The following PCGF5 variants were observed in gnomAD, a reference collection of about 807,000 sequenced individuals.
PCGF5 encodes the protein polycomb group ring finger 5, also known as polycomb group RING finger protein 5.
In PCGF5, 9 loss-of-function variants were observed where a neutral mutation model predicts 44.3. The observed-to-expected ratio is 0.20, with a 90% CI of 0.12 to 0.35. The LOEUF is 0.35. Among genes scored for constraint, PCGF5 ranks in the 10% least tolerant of loss-of-function variants. The probability of loss-of-function intolerance (pLI) is 1.00; values close to 1 mark genes in which losing one functional copy is unlikely to be tolerated. For missense variants in PCGF5, 146 were observed against 305.3 expected (o/e 0.48, Z 3.89); for synonymous variants, 95 against 102.5 (o/e 0.93, Z 0.44).
At chr10:91,261,569 A>G in intron 7 of PCGF5, 145 bp downstream of exon 7, 13 of 1,084,760 alleles carry the variant, frequency 1.2e-5, no homozygotes, top group Non-Finnish European at 1.6e-5. Flanking sequence ...AATTTTCAGA[A>G]TGTATTATTC....
chr10:91,235,815 T>C lies in PCGF5; in HGVS notation c.113-4669T>C, dbSNP rs559063912. On this transcript the variant is annotated intron_variant, in intron 2 of 9. Transcript: ENST00000336126. Reference sequence around the variant, plus strand: ...ACGTAAGATGTGACTTGCTCCTCCTTGCCTTCTACCTTGATTGTGAGGCCT... The same window carrying C: ...ACGTAAGATGTGACTTGCTCCTCCTCGCCTTCTACCTTGATTGTGAGGCCT... Among the ~76,000 whole-genome samples, 147 of 152,334 alleles carry C rather than the reference T, an allele frequency of 9.6e-4. 2 individuals are homozygous for C. The South Asian group carries it at 0.015, about 16-fold the overall frequency.
chr10:91,262,430 AAAAAGAAAAG>A (rs974378183), intron 7 of PCGF5, among the ~76,000 whole-genome samples: 1 of 152,170 alleles, frequency 6.6e-6, no homozygotes, highest in Non-Finnish European at 1.5e-5. Flanking sequence ...TCCATCTCAA[AAAAAGAAAAG>A]AAAAGAAAAT....
At position 91,180,534 on chromosome 10, in the gene PCGF5, C is replaced by A. The variant is rs12242498; in HGVS notation, c.-184+17453C>A. 5.0e-3 allele frequency among the ~76,000 whole-genome samples: 754 copies of A among 152,258 alleles called. 7 individuals are homozygous for A. The highest frequency in any genetic ancestry group is 0.017 in the African/African-American group (720 of 41,540). On this transcript the variant is annotated intron_variant, in intron 1 of 9. Coordinates refer to the PCGF5 transcript ENST00000614189. ...TTTGTATATTGTGTAAGGAAGGGGT[C>A]CAGTTTCAATCTTCTGCATATGGTT...
At chr10:91,271,161 C>A (rs975586239) in intron 8 of PCGF5, among the ~76,000 whole-genome samples, 1 of 146,134 alleles carries the variant, frequency 6.8e-6, no homozygotes, top group Non-Finnish European at 1.5e-5. Context: ...CATAAAGAAC[C>A]TACTATAAAA....
At chr10:91,256,459 C>G (rs1228749246) in intron 6 of PCGF5, among the ~76,000 whole-genome samples, 9 of 151,914 alleles carry the variant, frequency 5.9e-5, no homozygotes, top group Non-Finnish European at 1.0e-4. Flanking sequence ...CACCATCAAG[C>G]TTACCAGCAT....
At chr10:91,210,764 A>G (rs1256236825) in intron 1 of PCGF5, among the ~76,000 whole-genome samples, 1 of 152,280 alleles carries the variant, frequency 6.6e-6, no homozygotes, top group Non-Finnish European at 1.5e-5. Context: ...TACATTTAAA[A>G]ATAATCACTG....
rs930775224 is a variant in PCGF5 at position 91,222,221 on chromosome 10, A to T, written c.-183-468A>T. 3.3e-5 allele frequency among the ~76,000 whole-genome samples: 5 copies of T among 152,274 alleles called. No homozygotes were observed. The East Asian group carries it at 9.7e-4, about 29-fold the overall frequency. ...AATATAAGATGGACTGCAGGTGGAG[A>T]GGTGATATACAAGTAGAGCAGCCGG... On this transcript the variant is annotated intron_variant, in intron 1 of 9. Coordinates refer to ENST00000336126, the MANE Select transcript of PCGF5 (RefSeq NM_032373.5).
At chr10:91,162,751 G>C (rs1564621625), upstream of PCGF5, among the ~76,000 whole-genome samples, 1 of 151,170 alleles carries the variant, frequency 6.6e-6, no homozygotes. Context: ...GGCGGCGAGA[G>C]GCTGTGCCCC....
At chr10:91,235,959 T>C (rs954013008) in intron 2 of PCGF5, among the ~76,000 whole-genome samples, 1 of 152,162 alleles carries the variant, frequency 6.6e-6, no homozygotes, top group African/African-American at 2.4e-5. Context: ...ATGCCTGTAG[T>C]CCAAACTACT....
chr10:91,184,891 G>T (rs1468253576), intron 1 of PCGF5, among the ~76,000 whole-genome samples: 2 of 152,176 alleles, frequency 1.3e-5, no homozygotes, highest in Non-Finnish European at 1.5e-5. Context: ...TCCTGTGGGA[G>T]TCCCATCCCA....
intron 2 of PCGF5, among the ~76,000 whole-genome samples, chr10:91,239,232 G>T (rs990511822): frequency 6.6e-6 from 1 of 152,122 alleles, no homozygotes; most frequent in South Asian, 2.1e-4. Context: ...GCTTTGTTTT[G>T]TTGGCCCCTG....
intron 1 of PCGF5, among the ~76,000 whole-genome samples, chr10:91,174,863 C>T (rs945030776): frequency 6.6e-5 from 10 of 152,186 alleles, no homozygotes; most frequent in African/African-American, 2.4e-4. Flanking sequence ...GTCTCTCCTG[C>T]AACACCATTA....
At chr10:91,162,494 G>C (rs1010479132), upstream of PCGF5, among the ~76,000 whole-genome samples, 1 of 152,158 alleles carries the variant, frequency 6.6e-6, no homozygotes, top group African/African-American at 2.4e-5. Flanking sequence ...CGTCTGTGGG[G>C]GGAGAAGGTG....
intron 1 of PCGF5, among the ~76,000 whole-genome samples, chr10:91,188,608 T>C (rs899601664): frequency 6.6e-6 from 1 of 152,214 alleles, no homozygotes; most frequent in African/African-American, 2.4e-5. Context: ...CTTAATGTTA[T>C]CTTGTCTACT....
rs368638959 is a variant in PCGF5, at chr10:91,222,860, C to T, written c.-12C>T. On this transcript the variant is annotated 5_prime_UTR_variant, in exon 2 of 10. Coordinates refer to ENST00000336126, the MANE Select transcript of PCGF5 (RefSeq NM_032373.5). ...TGCCCAGACTACTAAAGCCAGTCTT[C>T]ACTAGCCACGAATGGCTACCCAAAG... is the stretch of plus-strand genomic sequence containing the variant. The T allele has an allele frequency of 8.4e-5, 129 of 1,541,578 alleles. No homozygotes were observed. Among genetic ancestry groups the T allele is most frequent in the Non-Finnish European group, 1.1e-4 (120 of 1,114,208 alleles).
chr10:91,248,423 T>C, intron 3 of PCGF5, 82 bp from the exon 4 acceptor site: 1 of 1,246,226 alleles, frequency 8.0e-7, no homozygotes, highest in Non-Finnish European at 1.2e-6. Context: ...GTAACATGTA[T>C]AAGATTATAC....
intron 1 of PCGF5, among the ~76,000 whole-genome samples, chr10:91,199,799 A>G (rs1844214732): frequency 6.6e-6 from 1 of 151,906 alleles, no homozygotes. Flanking sequence ...TAAACAAAGG[A>G]GAATAAATTT....
At chr10:91,195,643 C>T (rs1844121243) in intron 1 of PCGF5, among the ~76,000 whole-genome samples, 1 of 151,852 alleles carries the variant, frequency 6.6e-6, no homozygotes, top group South Asian at 2.1e-4. Flanking sequence ...CACTGTGTTA[C>T]CCAGGCTAGT....
At chr10:91,266,483 G>T (rs1370745622) in intron 8 of PCGF5, among the ~76,000 whole-genome samples, 1 of 152,106 alleles carries the variant, frequency 6.6e-6, no homozygotes, top group East Asian at 1.9e-4. Flanking sequence ...GGTTGTTTAA[G>T]GCATATTTTA....
Sources: allele counts gnomAD v4.1 joint callset (sites outside exome capture counted in the v4.1 genomes callset), GRCh38; gene constraint gnomAD v4.1.1; transcripts MANE v1.5; gene names NCBI Gene and HGNC (gene_info 2026-07-23, HGNC 2026-07-21).